The following MACROH2A2 variants were observed in gnomAD, a reference collection of about 807,000 sequenced individuals.
The protein encoded by MACROH2A2 is core histone macro-H2A.2.
In MACROH2A2, 6 loss-of-function variants were observed where a neutral mutation model predicts 37.6. The ratio of observed to expected loss-of-function variants is 0.16; its 90% confidence interval spans 0.09 to 0.32. The LOEUF is 0.32. Ranked by LOEUF, MACROH2A2 falls within the 10% of genes least tolerant of loss-of-function variation. The pLI is 1.00. For missense variants in MACROH2A2, 290 were observed against 485.9 expected (o/e 0.60, Z 3.79); for synonymous variants, 192 against 202.7 (o/e 0.95, Z 0.45).
At chr10:70,078,105 G>C (rs1441248363) in intron 2 of MACROH2A2, among the ~76,000 whole-genome samples, 1 of 152,160 alleles carries the variant, frequency 6.6e-6, no homozygotes, top group East Asian at 1.9e-4. Context: ...ACAAAATTTG[G>C]CCTTTGGAAT....
In MACROH2A2 at chr10:70,091,753, T is replaced by G; in HGVS notation, c.280-4T>G. The G allele has an allele frequency of 6.2e-7, 1 of 1,610,700 alleles. No individual in the cohort carries two copies. Among genetic ancestry groups the G allele is most frequent in the Non-Finnish European group, 8.5e-7 (1 of 1,177,286 alleles). ...TACATGAGCGCATGCATTTCTCTCT[T>G]CAGCTGCTAAAAGGAGTGACCATCG... On this transcript the variant is annotated splice_polypyrimidine_tract_variant and splice_region_variant and intron_variant, in intron 3 of 8. Transcript: ENST00000373255.
chr10:70,081,958 CAT>C (rs2136629718), intron 2 of MACROH2A2, among the ~76,000 whole-genome samples: 1 of 152,200 alleles, frequency 6.6e-6, no homozygotes, highest in South Asian at 2.1e-4. Flanking sequence ...GTACCCCATA[CAT>C]ATATACACCT....
chr10:70,054,678 T>C (rs1310772686), intron 1 of MACROH2A2, among the ~76,000 whole-genome samples: 1 of 152,220 alleles, frequency 6.6e-6, no homozygotes, highest in African/African-American at 2.4e-5. Flanking sequence ...TAACACACTT[T>C]TTATTTTCAA....
intron 8 of MACROH2A2, 107 bp from the exon 9 acceptor site, chr10:70,111,411 T>G: frequency 1.1e-6 from 1 of 946,500 alleles, no homozygotes; most frequent in South Asian, 1.6e-5. Context: ...ATGCATGGAC[T>G]AGCCCTGCAC....
intron 5 of MACROH2A2, 43 bp from the exon 6 acceptor site, chr10:70,095,611 A>G: frequency 1.1e-6 from 1 of 926,472 alleles, no homozygotes; most frequent in Non-Finnish European, 1.8e-6. Context: ...TTTCAACAGA[A>G]TTTTATCTTT....
chr10:70,067,956 T>C (rs754219914), intron 1 of MACROH2A2, among the ~76,000 whole-genome samples: 2 of 152,070 alleles, frequency 1.3e-5, no homozygotes, highest in Non-Finnish European at 2.9e-5. Flanking sequence ...AAAATGAAAA[T>C]AGATCAAGAA....
intron 3 of MACROH2A2, among the ~76,000 whole-genome samples, chr10:70,090,389 A>G (rs1384446648): frequency 6.6e-6 from 1 of 152,206 alleles, no homozygotes; most frequent in African/African-American, 2.4e-5. Context: ...GTCTTATCAG[A>G]CCTTTCTTTT....
intron 1 of MACROH2A2, among the ~76,000 whole-genome samples, chr10:70,063,519 T>C (rs2072061182): frequency 6.6e-6 from 1 of 152,242 alleles, no homozygotes; most frequent in Non-Finnish European, 1.5e-5. Flanking sequence ...GTGACTCACC[T>C]GGTGATGAAT....
chr10:70,094,697 T>C (rs2072264643), intron 5 of MACROH2A2, among the ~76,000 whole-genome samples: 1 of 152,236 alleles, frequency 6.6e-6, no homozygotes, highest in African/African-American at 2.4e-5. Flanking sequence ...CGATTAGCTT[T>C]CTCTCACTTA....
chr10:70,067,514 C>G (rs1046635274), intron 1 of MACROH2A2, among the ~76,000 whole-genome samples: 5 of 151,948 alleles, frequency 3.3e-5, no homozygotes, highest in African/African-American at 1.2e-4. Flanking sequence ...GTGATGAGCA[C>G]TATACTCAGT....
chr10:70,101,437 G>A (rs967885859), intron 7 of MACROH2A2, among the ~76,000 whole-genome samples: 2 of 152,234 alleles, frequency 1.3e-5, no homozygotes, highest in African/African-American at 2.4e-5. Context: ...AGCCACGAGG[G>A]GTTTTATGCC....
rs1435523564 is a variant in MACROH2A2 at position 70,112,241 on chromosome 10, T to C, written c.*558T>C. 6.6e-6 allele frequency: 1 copy of C among 151,830 alleles called. No individual in the cohort carries two copies. Among genetic ancestry groups the C allele is most frequent in the Non-Finnish European group, 1.5e-5 (1 of 67,964 alleles). 9.4% of individuals were successfully genotyped at this position (151,830 alleles called of 1,614,324 possible). On this transcript the variant is annotated 3_prime_UTR_variant, in exon 9 of 9. Transcript: ENST00000373255. The stretch of plus-strand genomic sequence containing the variant: ...TTTTGTTTTTTTAAGAAAAAGAAAA[T>C]GAAAGGAAAAAAATAAAAGATCCAG...
intron 2 of MACROH2A2, among the ~76,000 whole-genome samples, chr10:70,088,016 G>T (rs541394965): frequency 5.8e-4 from 89 of 152,186 alleles, no homozygotes; most frequent in Non-Finnish European, 1.1e-3. Context: ...TTTGAAATTA[G>T]ATTGATTGCA....
At chr10:70,060,888 T>C (rs553284918) in intron 1 of MACROH2A2, among the ~76,000 whole-genome samples, 1 of 151,924 alleles carries the variant, frequency 6.6e-6, no homozygotes, top group South Asian at 2.1e-4. Flanking sequence ...GGAGGCTAAG[T>C]TGGGAGGACT....
rs2136647605 is a variant in MACROH2A2, at chr10:70,112,150, C to T, written c.*467C>T. ...TCTCTTTTGTTTTAGTGCCCCCCGCCCCCATCCCTATAATATCTGTAACTA... is the reference window on the plus strand; with the variant it reads ...TCTCTTTTGTTTTAGTGCCCCCCGCTCCCATCCCTATAATATCTGTAACTA... On this transcript the variant is annotated 3_prime_UTR_variant, in exon 9 of 9. Transcript: ENST00000373255. The T allele has an allele frequency of 6.6e-6, 1 of 152,294 alleles. No homozygotes were observed. The highest frequency in any genetic ancestry group is 1.9e-4 in the East Asian group (1 of 5,172). 9.4% of individuals were successfully genotyped at this position (152,294 alleles called of 1,614,324 possible).
At chr10:70,105,125 AT>A in intron 7 of MACROH2A2, among the ~76,000 whole-genome samples, 1 of 152,330 alleles carries the variant, frequency 6.6e-6, no homozygotes, top group South Asian at 2.1e-4. Context: ...ACTTTCATTC[AT>A]TTGTTGAATA....
At chr10:70,069,168 C>T (rs892094296) in intron 1 of MACROH2A2, among the ~76,000 whole-genome samples, 1 of 152,172 alleles carries the variant, frequency 6.6e-6, no homozygotes, top group Non-Finnish European at 1.5e-5. Flanking sequence ...TCTAACCTGT[C>T]GGTGTTGTTA....
chr10:70,108,933 A>C, intron 7 of MACROH2A2, 100 bp from the exon 8 acceptor site: 1 of 1,052,374 alleles, frequency 9.5e-7, no homozygotes, highest in Non-Finnish European at 1.4e-6. Flanking sequence ...CGTCTCTATC[A>C]CTGCCTTATC....
intron 2 of MACROH2A2, among the ~76,000 whole-genome samples, chr10:70,085,527 T>C (rs1327239623): frequency 6.6e-6 from 1 of 152,226 alleles, no homozygotes; most frequent in Non-Finnish European, 1.5e-5. Context: ...CCCAACCCTA[T>C]AATTAATGTG....
Sources: gnomAD v4.1 joint callset for allele counts (sites outside exome capture counted in the v4.1 genomes callset) on GRCh38, gnomAD v4.1.1 for gene constraint, MANE v1.5 for transcripts, NCBI Gene and HGNC (gene_info 2026-07-23, HGNC 2026-07-21) for gene names.